ODAD1: variants seen among roughly 807,000 people sequenced by gnomAD.
ODAD1 encodes the protein outer dynein arm-docking complex subunit 1.
Under a neutral mutation model 67.2 loss-of-function variants are expected in ODAD1, and 49 were observed. The ratio of observed to expected loss-of-function variants is 0.73; its 90% CI spans 0.58 to 0.92. The LOEUF is 0.92. Ranked by LOEUF, ODAD1 falls within the 40% of genes least tolerant of loss-of-function variation. The pLI is 0.00. For missense variants in ODAD1, 897 were observed against 953.7 expected (o/e 0.94, Z 0.78); for synonymous variants, 345 against 393.7 (o/e 0.88, Z 1.46).
chr19:48,317,683 T>C (rs1440169143), intron 5 of ODAD1, among the ~76,000 whole-genome samples: 3 of 100,884 alleles, frequency 3.0e-5, no homozygotes, highest in Admixed American at 1.9e-4. Flanking sequence ...TAGCCCCGAT[T>C]TTTTTTTTTT....
Position 48,298,205 on chromosome 19 carries a change from A to C in ODAD1, c.1376T>G (p.Leu459Arg), listed in dbSNP as rs775678608. ...SLIEKRLVEL[L>R]TVQAFLHAQS... The stretch of plus-strand genomic sequence containing the variant: ...GGCATGTAGGAAGGCCTGCACTGTC[A>C]GGAGCTCCACCAGCCGCTTCTCAAT... The change falls in exon 13 of 16, where the codon CTG becomes CGG. Residue 459 changes from leucine to arginine, a missense_variant. Leu to Arg is a moderately radical substitution (Grantham distance 102). Transcript: ENST00000674294. The C allele has an allele frequency of 6.2e-7, 1 of 1,613,198 alleles. No individual in the cohort carries two copies. Among genetic ancestry groups the C allele is most frequent in the Admixed American group, 1.7e-5 (1 of 59,964 alleles).
intron 7 of ODAD1, among the ~76,000 whole-genome samples, chr19:48,311,204 T>A (rs999546758): frequency 2.0e-5 from 3 of 151,956 alleles, no homozygotes; most frequent in African/African-American, 7.3e-5. Flanking sequence ...AGAGTGAGAC[T>A]CATCTCAAAA....
Position 48,297,275 on chromosome 19 carries a change from A to C in ODAD1, c.1825T>G (p.Leu609Val). 1.2e-6 allele frequency: 2 copies of C among 1,614,004 alleles called. No individual in the cohort carries two copies. The highest frequency in any genetic ancestry group is 2.2e-5 in the East Asian group (1 of 44,880). ...TCACCGTGCGTGATGTGGCTGGGCA[A>C]ATGCCCAGTGCTGGAGCTGAGGCCG... Reference protein sequence around the residue: ...FGGLSSSTGHLPSHITHGDPN... With the variant: ...FGGLSSSTGHVPSHITHGDPN... The change falls in exon 16 of 16, where the codon TTG becomes GTG. Residue 609 changes from leucine (L) to valine (V), a missense_variant. Physicochemically the swap from Leu to Val is conservative, Grantham distance 32. Coordinates refer to ENST00000674294, the MANE Select transcript of ODAD1 (RefSeq NM_001364171.2).
Position 48,320,401 on chromosome 19 carries a change from T to G in ODAD1, c.-23-10A>C. On this transcript the variant is annotated splice_polypyrimidine_tract_variant and intron_variant, in intron 2 of 15. Coordinates refer to ENST00000674294, the MANE Select transcript of ODAD1 (RefSeq NM_001364171.2). The stretch of plus-strand genomic sequence containing the variant: ...AAACAGGGTGGGGCTCCTGTAGGGA[T>G]GGACATATAAGACCCTTCAGACAGC... 3 of 1,279,896 alleles carry G rather than the reference T, an allele frequency of 2.3e-6. No homozygotes were observed. Among genetic ancestry groups the G allele is most frequent in the Non-Finnish European group, 3.1e-6 (3 of 982,628 alleles). The allele number at this position is 1,279,896 out of a possible 1,614,324, so 79.3% of individuals were successfully genotyped here.
chr19:48,309,340 T>G (rs1968699566), intron 7 of ODAD1, among the ~76,000 whole-genome samples: 1 of 152,030 alleles, frequency 6.6e-6, no homozygotes, highest in Non-Finnish European at 1.5e-5. Flanking sequence ...ACTTGCAACG[T>G]CTCCTCCAGG....
In ODAD1 at chr19:48,296,886, A is replaced by G. The variant is rs534468238; in HGVS notation, c.*90T>C. On this transcript the variant is annotated 3_prime_UTR_variant, in exon 16 of 16. Coordinates refer to ENST00000674294, the MANE Select transcript of ODAD1 (RefSeq NM_001364171.2). ...AGGCCTGCCACTGGGAGAAAAAGACAGAGACCCACAAGGCAAACAGGGGAA... is the reference window on the plus strand; with the variant it reads ...AGGCCTGCCACTGGGAGAAAAAGACGGAGACCCACAAGGCAAACAGGGGAA... 100 of 1,445,300 alleles carry G rather than the reference A, an allele frequency of 6.9e-5. No individual in the cohort carries two copies. In the African/African-American group the frequency reaches 1.4e-3, roughly 20 times the overall value. The allele number at this position is 1,445,300 out of a possible 1,614,324, so 89.5% of individuals were successfully genotyped here.
chr19:48,312,006 G>T lies in ODAD1; in HGVS notation c.471C>A (p.Asn157Lys). Reference protein sequence around the residue: ...KIRRRIRILENQLDRVTCHFD... With the variant: ...KIRRRIRILEKQLDRVTCHFD... ...GTTTGACCCTCACCCTGTCCAACTG[G>T]TTTTCTAGGATCCTGATCCTTCGCC... The change falls in exon 6 of 16, where the codon AAC becomes AAA. Residue 157 changes from asparagine to lysine, a missense_variant. Transcript: ENST00000674294. 4.5e-6 allele frequency: 7 copies of T among 1,551,264 alleles called. No homozygotes were observed. Among genetic ancestry groups the T allele is most frequent in the Non-Finnish European group, 6.1e-6 (7 of 1,146,798 alleles).
At chr19:48,318,232 T>C (rs1175692136) in intron 5 of ODAD1, among the ~76,000 whole-genome samples, 155 bp downstream of exon 5, 1 of 152,112 alleles carries the variant, frequency 6.6e-6, no homozygotes, top group Non-Finnish European at 1.5e-5. Flanking sequence ...CCTCAAGTGA[T>C]CTGCCCGCCT....
intron 10 of ODAD1, 101 bp downstream of exon 10, chr19:48,303,549 G>T: frequency 1.4e-6 from 2 of 1,441,820 alleles, no homozygotes; most frequent in Non-Finnish European, 9.6e-7. Flanking sequence ...CTCCAGCACA[G>T]ATGGAGGAGT....
At chr19:48,313,420 C>T (rs561462081) in intron 5 of ODAD1, among the ~76,000 whole-genome samples, 5 of 121,102 alleles carry the variant, frequency 4.1e-5, no homozygotes, top group African/African-American at 1.4e-4. Context: ...GAACAAGACT[C>T]CATCTCAAAA....
Position 48,302,723 on chromosome 19 carries a change from A to G in ODAD1, c.1211T>C (p.Val404Ala). The change falls in exon 12 of 16, where the codon GTG becomes GCG. Residue 404 changes from valine to alanine, a missense_variant. Physicochemically the swap from Val to Ala is moderately conservative, Grantham distance 64. Coordinates refer to ENST00000674294, the MANE Select transcript of ODAD1 (RefSeq NM_001364171.2). ...CTTGAGCTTCTCCAGCTGTCCCCGC[A>G]CATCCTGGAAGCGGGCCTCAAGGCG... Reference protein sequence around the residue: ...AERLEARFQDVRGQLEKLKAD... With the variant: ...AERLEARFQDARGQLEKLKAD... 2 of 1,612,332 alleles carry G rather than the reference A, an allele frequency of 1.2e-6. No homozygotes were observed. The highest frequency in any genetic ancestry group is 1.7e-6 in the Non-Finnish European group (2 of 1,179,978).
intron 2 of ODAD1, 155 bp downstream of exon 2, chr19:48,320,617 C>T (rs1213295063): frequency 5.6e-6 from 1 of 179,336 alleles, no homozygotes; most frequent in Non-Finnish European, 1.2e-5. Context: ...GGCTCCGATT[C>T]TGGCGCGGGT....
At chr19:48,297,961 GC>G (rs779447800) in intron 14 of ODAD1, 38 bp downstream of exon 14, 2 of 1,512,206 alleles carry the variant, frequency 1.3e-6, no homozygotes, top group Admixed American at 1.8e-5. Context: ...CCCCATGGAA[GC>G]CCCGTCCCCT....
At chr19:48,310,177 C>T (rs958583478) in intron 7 of ODAD1, among the ~76,000 whole-genome samples, 15 of 151,962 alleles carry the variant, frequency 9.9e-5, no homozygotes, top group African/African-American at 3.4e-4. Context: ...GAGGTTGCAG[C>T]GAGCCAAGAT....
At chr19:48,308,213 T>C (rs2147323659) in intron 7 of ODAD1, among the ~76,000 whole-genome samples, 1 of 152,156 alleles carries the variant, frequency 6.6e-6, no homozygotes, top group South Asian at 2.1e-4. Flanking sequence ...TCACTCTTGT[T>C]GCCCAGGCTG....
At chr19:48,311,693 G>A (rs765450245) in intron 6 of ODAD1, 27 bp from the exon 7 acceptor site, 2 of 1,386,956 alleles carry the variant, frequency 1.4e-6, no homozygotes, top group South Asian at 2.5e-5. Context: ...GGATGGAAGA[G>A]TGGGTCTGAA....
At chr19:48,318,914 G>T (rs945889299) in intron 3 of ODAD1, 102 bp from the exon 4 acceptor site, 7 of 698,964 alleles carry the variant, frequency 1.0e-5, no homozygotes, top group African/African-American at 3.5e-5. Context: ...CTCACAAACT[G>T]CAACTGAACT....
At position 48,318,381 on chromosome 19, in the gene ODAD1, C is replaced by T. The variant is rs1212909855; in HGVS notation, c.360+6G>A. The T allele has an allele frequency of 1.5e-5, 24 of 1,549,948 alleles. 1 individual carries two copies. The East Asian group carries it at 4.9e-4, about 32-fold the overall frequency. ...AGGATCCGTAGAACCACCTCTCAAA[C>T]CCCACCTGCTTGTCCAGGGCCCTGG... On this transcript the variant is annotated splice_donor_region_variant and intron_variant, in intron 5 of 15. Transcript: ENST00000674294.
At chr19:48,320,524 G>A (rs1231281109) in intron 2 of ODAD1, 133 bp from the exon 3 acceptor site, 1 of 311,736 alleles carries the variant, frequency 3.2e-6, no homozygotes, top group African/African-American at 2.2e-5. Context: ...ATTCCTCCAA[G>A]AGGGGTTGGA....
Sources: gnomAD v4.1 joint callset for allele counts (sites outside exome capture counted in the v4.1 genomes callset) on GRCh38, gnomAD v4.1.1 for gene constraint, MANE v1.5 for transcripts, NCBI Gene and HGNC (gene_info 2026-07-23, HGNC 2026-07-21) for gene names.